Variants in CCDC97 observed in about 807,000 individuals in gnomAD.
CCDC97 encodes the protein coiled-coil domain containing 97.
In CCDC97, 27 loss-of-function variants were observed where a neutral mutation model predicts 33.9. That is an observed-to-expected ratio of 0.80 (90% CI 0.59 to 1.10). CCDC97 has a LOEUF of 1.10. Ranked by LOEUF, CCDC97 falls within the 50% of genes least tolerant of loss-of-function variation. The pLI is 0.00. For synonymous variants in CCDC97, 217 were observed against 194.0 expected, an observed-to-expected ratio of 1.12 and a Z score of -0.99; for missense variants, 422 against 476.6, an observed-to-expected ratio of 0.89 and a Z score of 1.07.
At position 41,322,624 on chromosome 19, in the gene CCDC97, AC is replaced by A. The variant is rs1365071267; in HGVS notation, c.943del (p.Leu315SerfsTer48). The A allele has an allele frequency of 3.7e-6, 6 of 1,613,222 alleles. No homozygotes were observed. The highest frequency in any genetic ancestry group is 5.1e-6 in the Non-Finnish European group (6 of 1,179,602). ...GTAGACGACAACCCCGACTTCGACA[AC>A]CTCGACATCGTGGCACGGGATGAGG... ...STVDDNPDFD[N>X]LDIVARDEEE... is the part of the protein sequence containing the mutation. On this transcript the variant is annotated frameshift_variant, in exon 5 of 5. Coordinates refer to ENST00000269967, the MANE Select transcript of CCDC97 (RefSeq NM_052848.3). LOFTEE classifies it high-confidence loss of function.
chr19:41,316,266 C>T, intron 1 of CCDC97, 118 bp from the exon 2 acceptor site: 1 of 762,372 alleles, frequency 1.3e-6, no homozygotes, highest in Admixed American at 2.6e-5. Context: ...TCTCTAGTGC[C>T]CAGAACAGTG....
intron 4 of CCDC97, 33 bp from the exon 5 acceptor site, chr19:41,322,562 G>A: frequency 6.2e-7 from 1 of 1,606,042 alleles, no homozygotes; most frequent in Non-Finnish European, 8.5e-7. Flanking sequence ...GTCCCAGGGA[G>A]ACCCAGTCCT....
chr19:41,319,205 A>G (rs1486080865), intron 2 of CCDC97, among the ~76,000 whole-genome samples: 7 of 152,246 alleles, frequency 4.6e-5, no homozygotes, highest in African/African-American at 1.7e-4. Flanking sequence ...GGATGCATGA[A>G]TACATGAATA....
chr19:41,319,686 C>A lies in CCDC97; in HGVS notation c.615C>A (p.His205Gln). 6.2e-7 allele frequency: 1 copy of A among 1,614,000 alleles called. No individual in the cohort carries two copies. Among genetic ancestry groups the A allele is most frequent in the Non-Finnish European group, 8.5e-7 (1 of 1,179,898 alleles). The change falls in exon 3 of 5, where the codon CAC becomes CAA. Residue 205 changes from histidine (H) to glutamine (Q), a missense_variant. Physicochemically the swap from His to Gln is conservative, Grantham distance 24. Coordinates refer to ENST00000269967, the MANE Select transcript of CCDC97 (RefSeq NM_052848.3). ...AGCTCAGTGCCCGCACCCCAACCCACCAGCCCCCCAAGCCCGGGTCCCCCG... is the reference window on the plus strand; with the variant it reads ...AGCTCAGTGCCCGCACCCCAACCCAACAGCCCCCCAAGCCCGGGTCCCCCG... The part of the protein sequence containing the change: ...QEELSARTPT[H>Q]QPPKPGSPGR...
intron 2 of CCDC97, 90 bp from the exon 3 acceptor site, chr19:41,319,484 C>T (rs2037790417): frequency 3.2e-6 from 3 of 952,342 alleles, no homozygotes; most frequent in East Asian, 4.8e-5. Context: ...GTATGCACAT[C>T]ATCCCACAAG....
intron 2 of CCDC97, 55 bp from the exon 3 acceptor site, chr19:41,319,519 G>A (rs535393540): frequency 7.8e-7 from 1 of 1,285,456 alleles, no homozygotes; most frequent in African/African-American, 1.5e-5. Context: ...TACCCACATG[G>A]ACACTATCTG....
chr19:41,311,593 C>CATTTG (rs2037685413), intron 1 of CCDC97, among the ~76,000 whole-genome samples: 1 of 152,068 alleles, frequency 6.6e-6, no homozygotes, highest in Admixed American at 6.5e-5. Flanking sequence ...ATTAGCCAGG[C>CATTTG]GTCGTGGTAT....
intron 1 of CCDC97, 126 bp downstream of exon 1, chr19:41,310,482 T>G (rs765731924): frequency 2.0e-6 from 3 of 1,500,270 alleles, no homozygotes; most frequent in Non-Finnish European, 2.7e-6. Flanking sequence ...GCTTTACCGG[T>G]CCTCTTCACT....
intron 1 of CCDC97, among the ~76,000 whole-genome samples, chr19:41,315,805 A>G (rs2037739225): frequency 6.6e-6 from 1 of 150,980 alleles, no homozygotes; most frequent in African/African-American, 2.4e-5. Flanking sequence ...AATAAAAATA[A>G]AAATAGGCCA....
Position 41,319,687 on chromosome 19 carries a change from C to T in CCDC97, c.616C>T (p.Gln206Ter). 1 of 1,614,036 alleles carries T rather than the reference C, an allele frequency of 6.2e-7. No individual in the cohort carries two copies. The highest frequency in any genetic ancestry group is 8.5e-7 in the Non-Finnish European group (1 of 1,179,918). The change falls in exon 3 of 5, where the codon CAG (glutamine) becomes TAG (stop). Residue 206 changes from glutamine to a stop codon, truncating the protein, a stop_gained. Coordinates refer to ENST00000269967, the MANE Select transcript of CCDC97 (RefSeq NM_052848.3). LOFTEE classifies it high-confidence loss of function. Reference protein sequence around the residue: ...EELSARTPTHQPPKPGSPGRP... With the variant: ...EELSARTPTH ...GCTCAGTGCCCGCACCCCAACCCAC[C>T]AGCCCCCCAAGCCCGGGTCCCCCGG...
rs3826714 is a variant in CCDC97 at position 41,319,871 on chromosome 19, A to G, written c.781+19A>G. 0.18 allele frequency: 223,248 copies of G among 1,215,402 alleles called. 21,839 individuals are homozygous for G. The highest frequency in any genetic ancestry group is 0.3 in the East Asian group (11,989 of 40,136). The allele number at this position is 1,215,402 out of a possible 1,614,324, so 75.3% of individuals were successfully genotyped here. A position where few individuals can be genotyped will look rare whatever the true frequency, so the allele number is the denominator to read the frequency against. On this transcript the variant is annotated intron_variant, in intron 3 of 4. Transcript: ENST00000269967. Reference sequence around the variant, plus strand: ...GAGGAAGGTGAGGGCCAGTAGCAGGAAGACCCCAGATTCCAGACACCCCAG... The same window carrying G: ...GAGGAAGGTGAGGGCCAGTAGCAGGGAGACCCCAGATTCCAGACACCCCAG...
chr19:41,312,067 C>G (rs1010162665), intron 1 of CCDC97, among the ~76,000 whole-genome samples: 1 of 152,076 alleles, frequency 6.6e-6, no homozygotes, highest in Non-Finnish European at 1.5e-5. Flanking sequence ...TCAATTCAGT[C>G]CCCCCATTCA....
intron 1 of CCDC97, among the ~76,000 whole-genome samples, chr19:41,314,485 T>A (rs879329917): frequency 4.6e-5 from 7 of 152,248 alleles, no homozygotes; most frequent in Admixed American, 4.6e-4. Flanking sequence ...AACGCATGAA[T>A]GCATGAGAGA....
At chr19:41,311,661 C>T (rs1269639263) in intron 1 of CCDC97, among the ~76,000 whole-genome samples, 2 of 151,842 alleles carry the variant, frequency 1.3e-5, no homozygotes, top group African/African-American at 4.8e-5. Flanking sequence ...CACTTGAACC[C>T]GGGAGGCGGA....
rs117809042 is a variant in CCDC97 at position 41,315,650 on chromosome 19, T to C, written c.47-734T>C. Among the ~76,000 whole-genome samples, 102 of 150,316 alleles carry C rather than the reference T, an allele frequency of 6.8e-4. 2 individuals carry two copies. The East Asian group carries it at 0.019, about 28-fold the overall frequency. ...AAAAAAAATTTAAAGATTAACTGAG[T>C]ATGGTTGTGCATGCCTGTAGTCCTG... On this transcript the variant is annotated intron_variant, in intron 1 of 4. Transcript: ENST00000269967.
Position 41,317,506 on chromosome 19 carries a change from TG to T in CCDC97, c.502+668del, listed in dbSNP as rs139553983. 5.5e-3 allele frequency among the ~76,000 whole-genome samples: 826 copies of T among 151,516 alleles called. 4 individuals are homozygous for T. The highest frequency in any genetic ancestry group is 0.019 in the African/African-American group (784 of 41,228). On this transcript the variant is annotated intron_variant, in intron 2 of 4. Transcript: ENST00000269967. ...GGGAGGTCAAGGTGGGTAGATTACT[TG>T]AGCTCATGAGTTCAAGACCAGCCTG...
At chr19:41,310,704 C>T in intron 1 of CCDC97, 1 of 1,162,932 alleles carries the variant, frequency 8.6e-7, no homozygotes, top group Non-Finnish European at 1.1e-6. Context: ...AAATTACCTC[C>T]TTCCCTGTAC....
In CCDC97 at chr19:41,310,186, G is replaced by C. The variant is rs891170389; in HGVS notation, c.-125G>C. On this transcript the variant is annotated 5_prime_UTR_variant, in exon 1 of 5. Coordinates refer to ENST00000269967, the MANE Select transcript of CCDC97 (RefSeq NM_052848.3). The stretch of plus-strand genomic sequence containing the variant: ...ACGTCTGCCTTAGGCCCGGAACTTC[G>C]GTGCCTGGGCGCAGCGGTGCACCCG... The C allele has an allele frequency of 3.6e-6, 5 of 1,370,836 alleles. No homozygotes were observed. The highest frequency in any genetic ancestry group is 5.0e-6 in the Non-Finnish European group (5 of 993,166). 84.9% of individuals were successfully genotyped at this position (1,370,836 alleles called of 1,614,324 possible).
rs942357001 is a variant in CCDC97, at chr19:41,310,257, C to T, written c.-54C>T. ...GAAAGTGTCTCTTGCGTGCGTGGGC[C>T]GGAGGTTAGTGTGCGGGGCCCGCCG... On this transcript the variant is annotated 5_prime_UTR_variant, in exon 1 of 5. Transcript: ENST00000269967. 3.2e-6 allele frequency: 5 copies of T among 1,562,448 alleles called. No individual in the cohort carries two copies. The African/African-American group carries it at 5.4e-5, about 17-fold the overall frequency.
Sources: gnomAD v4.1 joint callset for allele counts (sites outside exome capture counted in the v4.1 genomes callset) on GRCh38, gnomAD v4.1.1 for gene constraint, MANE v1.5 for transcripts, NCBI Gene and HGNC (gene_info 2026-07-23, HGNC 2026-07-21) for gene names.